ADAMTSL3: variants seen among roughly 807,000 people sequenced by gnomAD.
ADAMTSL3 encodes ADAMTS like 3, also known as ADAMTS-like protein 3.
ADAMTSL3 carries 128 observed loss-of-function variants against 201.7 expected under a neutral mutation model. The observed-to-expected ratio is 0.63, with a 90% CI of 0.55 to 0.73. ADAMTSL3 has a LOEUF of 0.73. ADAMTSL3 is among the 30% of genes least tolerant of loss of function. ADAMTSL3 has a pLI of 0.00. For synonymous variants in ADAMTSL3, 738 were observed against 748.4 expected (o/e 0.99, Z 0.23); for missense variants, 1,990 against 2,119.6 (o/e 0.94, Z 1.20).
chr15:83,783,991 G>A (rs1178372924), intron 4 of ADAMTSL3, among the ~76,000 whole-genome samples: 2 of 152,084 alleles, frequency 1.3e-5, no homozygotes, highest in Admixed American at 6.6e-5. Context: ...AAGAGTTGCT[G>A]CTTTAGACCT....
chr15:84,006,696 A>G (rs560800610), intron 23 of ADAMTSL3, among the ~76,000 whole-genome samples: 3 of 152,314 alleles, frequency 2.0e-5, no homozygotes, highest in Non-Finnish European at 4.4e-5. Context: ...AGTTTAAACT[A>G]TTTCTGACGT....
chr15:83,835,430 CTT>C (rs969132486), intron 6 of ADAMTSL3, among the ~76,000 whole-genome samples: 14 of 151,974 alleles, frequency 9.2e-5, no homozygotes, highest in African/African-American at 3.4e-4. Context: ...TGAATTGTAA[CTT>C]AAAAAAAATT....
intron 23 of ADAMTSL3, among the ~76,000 whole-genome samples, chr15:83,998,935 C>T (rs1425783346): frequency 6.6e-6 from 1 of 152,246 alleles, no homozygotes; most frequent in Non-Finnish European, 1.5e-5. Flanking sequence ...TAGACAATGG[C>T]AAGGCCAAGT....
chr15:83,688,631 G>A (rs1042466427), intron 2 of ADAMTSL3, among the ~76,000 whole-genome samples: 1 of 151,182 alleles, frequency 6.6e-6, no homozygotes, highest in African/African-American at 2.4e-5. Flanking sequence ...ATTGAGGGAG[G>A]ATCTGTGTTT....
intron 16 of ADAMTSL3, among the ~76,000 whole-genome samples, chr15:83,923,378 A>G (rs938154278): frequency 1.3e-5 from 2 of 152,238 alleles, no homozygotes; most frequent in African/African-American, 4.8e-5. Flanking sequence ...AGCAATAGAA[A>G]CGTTACAAAT....
intron 16 of ADAMTSL3, among the ~76,000 whole-genome samples, chr15:83,918,082 A>G (rs2066072343): frequency 1.3e-5 from 2 of 152,202 alleles, no homozygotes; most frequent in Admixed American, 1.3e-4. Flanking sequence ...TTCTAAGTAA[A>G]TGATCATCTG....
chr15:83,879,338 A>G (rs2065232560), intron 9 of ADAMTSL3, among the ~76,000 whole-genome samples: 1 of 152,250 alleles, frequency 6.6e-6, no homozygotes, highest in African/African-American at 2.4e-5. Flanking sequence ...GAGATGGATT[A>G]TGAAATCATT....
chr15:83,951,354 C>T (rs2066753882), intron 19 of ADAMTSL3, among the ~76,000 whole-genome samples: 1 of 152,178 alleles, frequency 6.6e-6, no homozygotes. Context: ...CCTTGCATCC[C>T]TGGGATAAAT....
intron 6 of ADAMTSL3, 119 bp downstream of exon 6, chr15:83,820,166 G>A (rs2063838917): frequency 1.2e-6 from 1 of 830,520 alleles, no homozygotes; most frequent in Non-Finnish European, 2.0e-6. Flanking sequence ...CTATTGGCCA[G>A]GTACGGTGGC....
Position 84,031,192 on chromosome 15 carries a change from C to T in ADAMTSL3, c.4657-143C>T, listed in dbSNP as rs149416058. On this transcript the variant is annotated intron_variant, in intron 27 of 29. Transcript: ENST00000286744. ...CTGGTCCACAGAGCTGTACCCTAATCCTCTTTAACTCCCCCCTGGGGACAG... is the reference window on the plus strand; with the variant it reads ...CTGGTCCACAGAGCTGTACCCTAATTCTCTTTAACTCCCCCCTGGGGACAG... 1.1e-3 allele frequency: 803 copies of T among 759,916 alleles called. 3 individuals carry two copies. The highest frequency in any genetic ancestry group is 2.0e-3 in the Middle Eastern group (5 of 2,536). The allele number at this position is 759,916 out of a possible 1,614,324, so 47.1% of individuals were successfully genotyped here. A position where few individuals can be genotyped will look rare whatever the true frequency, so the allele number is the denominator to read the frequency against.
chr15:83,836,714 C>G (rs1043454240), intron 6 of ADAMTSL3, among the ~76,000 whole-genome samples: 1 of 152,160 alleles, frequency 6.6e-6, no homozygotes, highest in Non-Finnish European at 1.5e-5. Flanking sequence ...TATTTTCTCA[C>G]TGAATCATCA....
intron 23 of ADAMTSL3, among the ~76,000 whole-genome samples, chr15:84,000,600 T>C (rs541509021): frequency 6.6e-6 from 1 of 152,312 alleles, no homozygotes; most frequent in South Asian, 2.1e-4. Context: ...AATTATGATA[T>C]GATGTCATAA....
chr15:83,779,155 A>G (rs1295157774), intron 4 of ADAMTSL3, among the ~76,000 whole-genome samples: 1 of 152,178 alleles, frequency 6.6e-6, no homozygotes, highest in Non-Finnish European at 1.5e-5. Flanking sequence ...ACTCCCTCAC[A>G]GTAATAATAA....
chr15:84,025,773 T>C (rs140142319), intron 27 of ADAMTSL3, among the ~76,000 whole-genome samples: 113 of 152,256 alleles, frequency 7.4e-4, no homozygotes, highest in Admixed American at 2.2e-3. Flanking sequence ...AGCCTCAGAA[T>C]CTTCATCCCA....
intron 10 of ADAMTSL3, among the ~76,000 whole-genome samples, chr15:83,886,713 G>A (rs1232626060): frequency 6.6e-6 from 1 of 152,236 alleles, no homozygotes; most frequent in East Asian, 1.9e-4. Flanking sequence ...AATTTACTTA[G>A]AGTCAGAAAC....
intron 6 of ADAMTSL3, among the ~76,000 whole-genome samples, chr15:83,836,202 C>T (rs2064265261): frequency 6.6e-6 from 1 of 152,092 alleles, no homozygotes; most frequent in Admixed American, 6.5e-5. Flanking sequence ...TTAATCCCCC[C>T]TACAATTTTT....
intron 14 of ADAMTSL3, among the ~76,000 whole-genome samples, chr15:83,898,291 C>T (rs1306644021): frequency 6.6e-6 from 1 of 150,934 alleles, no homozygotes; most frequent in Non-Finnish European, 1.5e-5. Flanking sequence ...GCAGTCCCTC[C>T]CTTGAAGAAA....
rs147755816 is a variant in ADAMTSL3, at chr15:83,963,040, C to T, written c.2491-7444C>T. The stretch of plus-strand genomic sequence containing the variant: ...CAACCCACAAACCAGGAGATTCCCC[C>T]GGGTGCCTACACCACCAGGGCCCAT... On this transcript the variant is annotated intron_variant, in intron 19 of 29. Transcript: ENST00000286744. Among the ~76,000 whole-genome samples, 480 of 152,282 alleles carry T rather than the reference C, an allele frequency of 3.2e-3. 5 individuals are homozygous for T. The highest frequency in any genetic ancestry group is 0.011 in the African/African-American group (454 of 41,542).
At chr15:83,785,572 G>C (rs2063248454) in intron 4 of ADAMTSL3, among the ~76,000 whole-genome samples, 1 of 152,004 alleles carries the variant, frequency 6.6e-6, no homozygotes, top group Admixed American at 6.6e-5. Context: ...AGTTTTACAA[G>C]GCCATGTCTA....
Sources: allele counts gnomAD v4.1 joint callset (sites outside exome capture counted in the v4.1 genomes callset), GRCh38; gene constraint gnomAD v4.1.1; transcripts MANE v1.5; gene names NCBI Gene and HGNC (gene_info 2026-07-23, HGNC 2026-07-21).